The following PITPNC1 variants were observed in gnomAD, a reference collection of about 807,000 sequenced individuals.
PITPNC1 encodes phosphatidylinositol transfer protein cytoplasmic 1.
In PITPNC1, 18 loss-of-function variants were observed where a neutral mutation model predicts 44.7. The ratio of observed to expected loss-of-function variants is 0.40; its 90% CI spans 0.28 to 0.60. The LOEUF is 0.60. Among genes scored for constraint, PITPNC1 ranks in the 20% least tolerant of loss-of-function variants. The pLI is 0.39. For missense variants in PITPNC1, 290 were observed against 418.4 expected (o/e 0.69, Z 2.68); for synonymous variants, 141 against 149.6 (o/e 0.94, Z 0.42).
At chr17:67,590,963 A>AAAAGAAAG (rs1347199654) in intron 5 of PITPNC1, among the ~76,000 whole-genome samples, 31 of 151,766 alleles carry the variant, frequency 2.0e-4, no homozygotes, top group African/African-American at 5.6e-4. Flanking sequence ...CAAAAAAAAA[A>AAAAGAAAG]AAAGAAAGAA....
At chr17:67,493,870 C>T (rs1568012636) in intron 1 of PITPNC1, among the ~76,000 whole-genome samples, 1 of 152,214 alleles carries the variant, frequency 6.6e-6, no homozygotes, top group Non-Finnish European at 1.5e-5. Context: ...AACCACAAAC[C>T]TGACACCCAC....
chr17:67,582,785 C>T (rs946960393), intron 5 of PITPNC1, among the ~76,000 whole-genome samples: 13 of 152,264 alleles, frequency 8.5e-5, no homozygotes, highest in African/African-American at 2.2e-4. Flanking sequence ...CTAGGGAGGA[C>T]GGCACCGTGC....
intron 5 of PITPNC1, among the ~76,000 whole-genome samples, chr17:67,622,050 A>G (rs2041836214): frequency 6.6e-6 from 1 of 152,178 alleles, no homozygotes; most frequent in African/African-American, 2.4e-5. Context: ...CAGGCGGATC[A>G]CGAGGTCAGG....
intron 1 of PITPNC1, among the ~76,000 whole-genome samples, chr17:67,490,185 GT>G (rs2039844081): frequency 6.7e-6 from 1 of 149,762 alleles, no homozygotes; most frequent in Admixed American, 6.7e-5. Context: ...GATGCATTAT[GT>G]AACTTTGGAG....
intron 2 of PITPNC1, among the ~76,000 whole-genome samples, chr17:67,535,385 A>G (rs112058739): frequency 1.5e-4 from 23 of 152,384 alleles, no homozygotes; most frequent in African/African-American, 5.5e-4. Flanking sequence ...GCCAGAAAAT[A>G]GAAACCTATG....
chr17:67,555,310 A>G (rs1310596440), intron 4 of PITPNC1, among the ~76,000 whole-genome samples: 1 of 152,218 alleles, frequency 6.6e-6, no homozygotes, highest in Admixed American at 6.5e-5. Context: ...TGTGAGTCAT[A>G]TAGTCTCTGA....
chr17:67,641,120 T>C (rs1464587879), intron 6 of PITPNC1, among the ~76,000 whole-genome samples: 8 of 152,128 alleles, frequency 5.3e-5, no homozygotes, highest in African/African-American at 1.4e-4. Context: ...TTCCTCAAAC[T>C]TGTACACATA....
intron 6 of PITPNC1, among the ~76,000 whole-genome samples, chr17:67,664,632 G>A (rs897506675): frequency 2.0e-5 from 3 of 152,068 alleles, no homozygotes; most frequent in Non-Finnish European, 2.9e-5. Context: ...GGTCAGGCAT[G>A]GTGGCTTACG....
intron 1 of PITPNC1, among the ~76,000 whole-genome samples, chr17:67,503,095 C>G (rs1344245251): frequency 6.6e-6 from 1 of 152,128 alleles, no homozygotes; most frequent in East Asian, 1.9e-4. Context: ...CTCGCCCAGG[C>G]TCTATTTCTT....
chr17:67,599,306 G>A (rs2144270946), intron 5 of PITPNC1, among the ~76,000 whole-genome samples: 1 of 152,082 alleles, frequency 6.6e-6, no homozygotes, highest in South Asian at 2.1e-4. Context: ...GAAATAACCG[G>A]TAGGGAATTT....
At chr17:67,511,359 T>C (rs928025661) in intron 1 of PITPNC1, among the ~76,000 whole-genome samples, 17 of 152,216 alleles carry the variant, frequency 1.1e-4, no homozygotes, top group African/African-American at 4.1e-4. Flanking sequence ...CTAGGATAAA[T>C]TCCTAGGTAG....
At chr17:67,442,133 T>C (rs2039020073) in intron 1 of PITPNC1, among the ~76,000 whole-genome samples, 1 of 148,300 alleles carries the variant, frequency 6.7e-6, no homozygotes, top group Non-Finnish European at 1.5e-5. Context: ...GGACTGCCTC[T>C]CCTCATTTAT....
intron 8 of PITPNC1, among the ~76,000 whole-genome samples, chr17:67,684,247 G>C (rs2042772604): frequency 6.6e-6 from 1 of 151,460 alleles, no homozygotes; most frequent in African/African-American, 2.4e-5. Flanking sequence ...GAGTAGCTGG[G>C]GGTTACGGGT....
chr17:67,574,410 A>G (rs2041106733), intron 4 of PITPNC1, among the ~76,000 whole-genome samples: 2 of 152,228 alleles, frequency 1.3e-5, no homozygotes, highest in Admixed American at 1.3e-4. Context: ...TGTTTCTATC[A>G]TGCAGTTCAT....
At chr17:67,404,108 A>C (rs982964616) in intron 1 of PITPNC1, among the ~76,000 whole-genome samples, 14 of 152,354 alleles carry the variant, frequency 9.2e-5, no homozygotes, top group Admixed American at 8.5e-4. Context: ...AGAGAAGTTG[A>C]TGTTAATTCA....
intron 5 of PITPNC1, among the ~76,000 whole-genome samples, chr17:67,590,074 G>A (rs1008202444): frequency 6.6e-6 from 1 of 152,142 alleles, no homozygotes; most frequent in East Asian, 1.9e-4. Flanking sequence ...GTGGAAACGG[G>A]GTAGAGATGG....
At chr17:67,570,959 T>A (rs907171502) in intron 4 of PITPNC1, among the ~76,000 whole-genome samples, 3 of 152,160 alleles carry the variant, frequency 2.0e-5, no homozygotes, top group Admixed American at 6.5e-5. Context: ...GTGGAACTAA[T>A]AAGTCAGAAA....
intron 1 of PITPNC1, chr17:67,459,767 G>A (rs886076084): frequency 2.0e-5 from 3 of 152,124 alleles, no homozygotes; most frequent in Non-Finnish European, 4.4e-5. Context: ...TCAGAAAAGC[G>A]AAGATTTCGA....
chr17:67,467,988 A>G (rs1598706275), intron 1 of PITPNC1, among the ~76,000 whole-genome samples: 1 of 152,192 alleles, frequency 6.6e-6, no homozygotes, highest in Admixed American at 6.5e-5. Flanking sequence ...GCAGAGTGGG[A>G]AGCAGACCAC....
Sources: gnomAD v4.1 joint callset for allele counts (sites outside exome capture counted in the v4.1 genomes callset) on GRCh38, gnomAD v4.1.1 for gene constraint, MANE v1.5 for transcripts, NCBI Gene and HGNC (gene_info 2026-07-23, HGNC 2026-07-21) for gene names.